The following BLTP2 variants were observed in gnomAD, a reference collection of about 807,000 sequenced individuals.
BLTP2 encodes the protein U937-associated antigen.
At chr17:28,628,113 T>C in the BLTP2 span, 5 of 665,080 alleles carry the variant, frequency 7.5e-6, no homozygotes, top group East Asian at 5.4e-5. Context: ...TTACTTAATA[T>C]GTAAGACTTA....
chr17:28,617,006 G>C, the BLTP2 span: 12 of 1,599,734 alleles, frequency 7.5e-6, no homozygotes, highest in Non-Finnish European at 1.0e-5. Flanking sequence ...CTACCTGTAG[G>C]ATAGAGAGTA....
the BLTP2 span, chr17:28,624,444 T>G: frequency 6.5e-7 from 1 of 1,538,494 alleles, no homozygotes; most frequent in Non-Finnish European, 8.8e-7. Context: ...GGAAAGACTT[T>G]TCCCTTTCCA....
chr17:28,628,348 C>A, the BLTP2 span: 1 of 1,614,176 alleles, frequency 6.2e-7, no homozygotes. Flanking sequence ...TGGGACACCC[C>A]GCTTTGGCTT....
the BLTP2 span, chr17:28,619,625 A>C: frequency 6.2e-7 from 1 of 1,612,258 alleles, no homozygotes. Flanking sequence ...GGGGCACTGG[A>C]AAAGGGCAAG....
At chr17:28,640,249 C>T in the BLTP2 span, 944 of 514,616 alleles carry the variant, frequency 1.8e-3, 2 homozygotes, top group Non-Finnish European at 2.9e-3. Context: ...AAAAATTAGC[C>T]GGGCGTGGTG....
At chr17:28,642,989 TG>T in the BLTP2 span, 2 of 1,572,308 alleles carry the variant, frequency 1.3e-6, no homozygotes, top group Middle Eastern at 3.3e-4. Flanking sequence ...GGAGAATAGC[TG>T]GAAGGAAGAA....
chr17:28,644,014 T>C, the BLTP2 span: 19 of 1,560,480 alleles, frequency 1.2e-5, no homozygotes, highest in East Asian at 4.5e-5. Context: ...TTAAATTCAA[T>C]TGGATCAACC....
chr17:28,644,408 C>T, the BLTP2 span, among the ~76,000 whole-genome samples: 1 of 152,214 alleles, frequency 6.6e-6, no homozygotes, highest in Non-Finnish European at 1.5e-5. Flanking sequence ...AGAAACTGCA[C>T]CCTCTAAGTT....
chr17:28,630,550 G>A, the BLTP2 span, among the ~76,000 whole-genome samples: 9 of 144,552 alleles, frequency 6.2e-5, no homozygotes, highest in East Asian at 8.2e-4. Flanking sequence ...GTGTGACCTC[G>A]GCTCTCTGCA....
the BLTP2 span, chr17:28,634,910 T>G: frequency 6.2e-7 from 1 of 1,613,928 alleles, no homozygotes; most frequent in Non-Finnish European, 8.5e-7. Flanking sequence ...AGCTCGTAGT[T>G]ATCATGAAGT....
chr17:28,641,278 GA>G, the BLTP2 span, among the ~76,000 whole-genome samples: 1 of 152,132 alleles, frequency 6.6e-6, no homozygotes, highest in African/African-American at 2.4e-5. Context: ...TGTATTTATT[GA>G]AAAAAATCCA....
the BLTP2 span, chr17:28,639,919 T>A: frequency 1.2e-6 from 2 of 1,614,072 alleles, no homozygotes; most frequent in East Asian, 2.2e-5. Flanking sequence ...AGCAGTTCAG[T>A]GCTCATCTGT....
chr17:28,644,990 G>A, the BLTP2 span: 1 of 1,579,084 alleles, frequency 6.3e-7, no homozygotes, highest in African/African-American at 1.4e-5. Flanking sequence ...AACCCTCACC[G>A]GCCTAGAAAG....
the BLTP2 span, chr17:28,640,597 T>C: frequency 1.2e-6 from 2 of 1,614,126 alleles, no homozygotes; most frequent in Non-Finnish European, 1.7e-6. Flanking sequence ...ACGCTTGTGT[T>C]CTCCATCTTA....
At chr17:28,642,263 T>C in the BLTP2 span, 2 of 1,613,852 alleles carry the variant, frequency 1.2e-6, no homozygotes, top group Non-Finnish European at 1.7e-6. Context: ...TGAATGATCA[T>C]GGCATACTTA....
At chr17:28,626,131 T>C in the BLTP2 span, among the ~76,000 whole-genome samples, 41 of 152,312 alleles carry the variant, frequency 2.7e-4, no homozygotes, top group Non-Finnish European at 4.7e-4. Flanking sequence ...CTCCAGTTTC[T>C]TCCTCTCCAA....
At chr17:28,636,931 C>T in the BLTP2 span, 1 of 1,573,014 alleles carries the variant, frequency 6.4e-7, no homozygotes, top group East Asian at 2.2e-5. Flanking sequence ...GAGGAAAAAA[C>T]CAGCCTGGCC....
the BLTP2 span, chr17:28,631,668 C>T: frequency 1.2e-6 from 2 of 1,613,972 alleles, no homozygotes; most frequent in Non-Finnish European, 1.7e-6. Flanking sequence ...TAAGGCGCCG[C>T]ATCACTGTGC....
the BLTP2 span, chr17:28,642,559 G>A: frequency 2.8e-5 from 16 of 577,164 alleles, no homozygotes; most frequent in Non-Finnish European, 4.6e-5. Flanking sequence ...GCTGAGGCAG[G>A]AGAATGGTCT....
Sources: gnomAD v4.1 joint callset for allele counts (sites outside exome capture counted in the v4.1 genomes callset) on GRCh38, gnomAD v4.1.1 for gene constraint, MANE v1.5 for transcripts, NCBI Gene and HGNC (gene_info 2026-07-23, HGNC 2026-07-21) for gene names.